FMN2: variants seen among roughly 807,000 people sequenced by gnomAD.
The protein encoded by FMN2 is formin 2.
In FMN2, 51 loss-of-function variants were observed where a neutral mutation model predicts 142.3. That is an observed-to-expected ratio of 0.36 (90% CI 0.29 to 0.45). FMN2 has a LOEUF of 0.45. Ranked by LOEUF, FMN2 falls within the 20% of genes least tolerant of loss-of-function variation. The probability of loss-of-function intolerance (pLI) is 1.00; values close to 1 mark genes in which losing one functional copy is unlikely to be tolerated. For missense variants in FMN2, 1,936 were observed against 2,122.8 expected (o/e 0.91, Z 1.73); for synonymous variants, 882 against 869.8 (o/e 1.01, Z -0.25).
rs181517588 is a variant in FMN2, at chr1:240,445,535, G to A, written c.5060+7325G>A. Among the ~76,000 whole-genome samples, 5 of 152,236 alleles carry A rather than the reference G, an allele frequency of 3.3e-5. No individual in the cohort carries two copies. The East Asian group carries it at 7.7e-4, about 24-fold the overall frequency. ...GCTGTATGAGCATTCCGGGTAGATG[G>A]TAAGGATGTTCACGGCAATGTGGCA... On this transcript the variant is annotated intron_variant, in intron 16 of 17. Transcript: ENST00000319653.
chr1:240,433,367 TA>T (rs1675244528), intron 15 of FMN2, among the ~76,000 whole-genome samples: 2 of 152,212 alleles, frequency 1.3e-5, no homozygotes, highest in Non-Finnish European at 2.9e-5. Flanking sequence ...TTAGGAGAAA[TA>T]GATGCGCGAG....
intron 7 of FMN2, among the ~76,000 whole-genome samples, chr1:240,261,137 C>A (rs937501351): frequency 4.6e-5 from 7 of 152,266 alleles, no homozygotes; most frequent in African/African-American, 1.7e-4. Flanking sequence ...CAGTACCATG[C>A]TGTTTTGGTG....
At chr1:240,209,779 C>T (rs1033742402) in intron 5 of FMN2, among the ~76,000 whole-genome samples, 1 of 151,606 alleles carries the variant, frequency 6.6e-6, no homozygotes, top group Non-Finnish European at 1.5e-5. Flanking sequence ...TGGCGGGCGC[C>T]GGTAGTTCCA....
In FMN2 at chr1:240,214,563, AAAAG is replaced by A. The variant is rs1208732885; in HGVS notation, c.4065+3332_4065+3335del. ...GAGACTCCATCTCAAAAAAAAAAAA[AAAAG>A]AAAAAGAAAAAGAAAAAGTGATCTC... On this transcript the variant is annotated intron_variant, in intron 6 of 17. Coordinates refer to ENST00000319653, the MANE Select transcript of FMN2 (RefSeq NM_020066.5). 5.2e-3 allele frequency among the ~76,000 whole-genome samples: 771 copies of A among 148,086 alleles called. 8 individuals carry two copies. The highest frequency in any genetic ancestry group is 0.019 in the African/African-American group (731 of 38,112).
chr1:240,363,934 G>T (rs1408323318), intron 14 of FMN2, among the ~76,000 whole-genome samples: 2 of 152,212 alleles, frequency 1.3e-5, no homozygotes, highest in East Asian at 3.9e-4. Flanking sequence ...CTTTGTGTGG[G>T]TAATTGTGCT....
chr1:240,124,039 T>C (rs561532752), intron 2 of FMN2, among the ~76,000 whole-genome samples: 1 of 152,366 alleles, frequency 6.6e-6, no homozygotes, highest in Non-Finnish European at 1.5e-5. Context: ...TTCCATTGTA[T>C]GTATATGTTG....
At chr1:240,138,516 T>C (rs968731733) in intron 2 of FMN2, among the ~76,000 whole-genome samples, 3 of 151,724 alleles carry the variant, frequency 2.0e-5, no homozygotes, top group East Asian at 1.9e-4. Flanking sequence ...CCTGGCCAAA[T>C]TGGTGAAACC....
intron 2 of FMN2, among the ~76,000 whole-genome samples, chr1:240,139,595 AAAG>A (rs1268677265): frequency 6.6e-6 from 1 of 152,236 alleles, no homozygotes. Context: ...TTTTAAAAAG[AAAG>A]AAGGAGTGTT....
intron 4 of FMN2, among the ~76,000 whole-genome samples, chr1:240,198,560 G>T (rs572968798): frequency 1.3e-5 from 2 of 152,114 alleles, no homozygotes; most frequent in Non-Finnish European, 2.9e-5. Flanking sequence ...TCAGCTCCCT[G>T]TGTGAGGCTC....
At chr1:240,162,139 A>C (rs922450329) in intron 2 of FMN2, among the ~76,000 whole-genome samples, 4 of 147,792 alleles carry the variant, frequency 2.7e-5, no homozygotes, top group South Asian at 2.2e-4. Context: ...TTCAAAAAAA[A>C]AAAAACAAAA....
intron 13 of FMN2, among the ~76,000 whole-genome samples, chr1:240,339,502 C>T (rs1392848648): frequency 6.6e-6 from 1 of 151,562 alleles, no homozygotes. Context: ...GGGAACACTA[C>T]TGTTTTATGA....
intron 14 of FMN2, among the ~76,000 whole-genome samples, chr1:240,363,933 G>A (rs1386162160): frequency 6.6e-6 from 1 of 152,106 alleles, no homozygotes; most frequent in Non-Finnish European, 1.5e-5. Context: ...ACTTTGTGTG[G>A]GTAATTGTGC....
intron 6 of FMN2, among the ~76,000 whole-genome samples, chr1:240,253,243 A>G (rs1200053137): frequency 2.6e-5 from 4 of 151,312 alleles, no homozygotes; most frequent in African/African-American, 4.9e-5. Context: ...TGCTAGGATT[A>G]CAGACGTGAG....
rs1572159821 is a variant in FMN2, at chr1:240,290,771, G to A, written c.4154-4051G>A. On this transcript the variant is annotated intron_variant, in intron 7 of 17. Transcript: ENST00000319653. Reference sequence around the variant, plus strand: ...TCTATTTTGGTCTGGAGTGATGTCTGTTTGTTTGGTTTTTTTTTTTTGTTT... The same window carrying A: ...TCTATTTTGGTCTGGAGTGATGTCTATTTGTTTGGTTTTTTTTTTTTGTTT... 2.6e-5 allele frequency among the ~76,000 whole-genome samples: 3 copies of A among 115,566 alleles called. No individual in the cohort carries two copies. In the South Asian group the frequency reaches 8.2e-4, roughly 32 times the overall value. The allele number at this position is 115,566 out of a possible 152,430, so 75.8% of individuals were successfully genotyped here. A position where few individuals can be genotyped will look rare whatever the true frequency, so the allele number is the denominator to read the frequency against.
At chr1:240,307,730 T>C (rs1397426921) in intron 8 of FMN2, among the ~76,000 whole-genome samples, 1 of 152,220 alleles carries the variant, frequency 6.6e-6, no homozygotes, top group Non-Finnish European at 1.5e-5. Context: ...GGGCTCTTTT[T>C]TGTTTCATTT....
At chr1:240,388,461 A>G (rs901864166) in intron 14 of FMN2, among the ~76,000 whole-genome samples, 5 of 152,062 alleles carry the variant, frequency 3.3e-5, no homozygotes, top group Non-Finnish European at 5.9e-5. Flanking sequence ...TGAGAGGCAG[A>G]GTGTGAGAAA....
Position 240,207,586 on chromosome 1 carries a change from C to T in FMN2, c.2774C>T (p.Pro925Leu), listed in dbSNP as rs756594203. Residue 925 changes from proline (P) to leucine (L), a missense_variant, in exon 5 of 18, where the codon CCT becomes CTT. Pro to Leu is a moderately conservative substitution (Grantham distance 98). Coordinates refer to ENST00000319653, the MANE Select transcript of FMN2 (RefSeq NM_020066.5). ...GGAGCGGGCATACCTCCTCCGCCGC[C>T]TCTACCCGGAGCAGGCATACTCCCT... ...LPGAGIPPPP[P>L]LPGAGILPLP... 55 of 1,592,632 alleles carry T rather than the reference C, an allele frequency of 3.5e-5. 1 individual carries two copies. The highest frequency in any genetic ancestry group is 4.6e-5 in the Non-Finnish European group (54 of 1,169,390).
At chr1:240,165,341 G>C (rs2103299671) in intron 2 of FMN2, among the ~76,000 whole-genome samples, 1 of 150,638 alleles carries the variant, frequency 6.6e-6, no homozygotes, top group Non-Finnish European at 1.5e-5. Context: ...CACCTGGCTA[G>C]ATTTTAAAAT....
intron 7 of FMN2, among the ~76,000 whole-genome samples, chr1:240,294,136 G>C (rs373260191): frequency 2.6e-5 from 4 of 152,110 alleles, no homozygotes; most frequent in African/African-American, 7.2e-5. Context: ...TATGCCTAAA[G>C]CAAGTAATAA....
Sources: gnomAD v4.1 joint callset for allele counts (sites outside exome capture counted in the v4.1 genomes callset) on GRCh38, gnomAD v4.1.1 for gene constraint, MANE v1.5 for transcripts, NCBI Gene and HGNC (gene_info 2026-07-23, HGNC 2026-07-21) for gene names.